Variants in RPRD1A observed in about 807,000 individuals in gnomAD.
RPRD1A encodes regulation of nuclear pre-mRNA domain-containing protein 1A.
Under a neutral mutation model 37.8 loss-of-function variants are expected in RPRD1A, and 9 were observed. The ratio of observed to expected loss-of-function variants is 0.24; its 90% CI spans 0.14 to 0.42. The LOEUF (loss-of-function observed/expected upper bound fraction) is 0.42. RPRD1A is among the 10% of genes least tolerant of loss of function. RPRD1A has a pLI of 1.00. For synonymous variants in RPRD1A, 138 were observed against 139.7 expected, an observed-to-expected ratio of 0.99 and a Z score of 0.08; for missense variants, 255 against 371.0, an observed-to-expected ratio of 0.69 and a Z score of 2.57.
In RPRD1A at chr18:36,022,089, A is replaced by G. The variant is rs955972463; in HGVS notation, c.789+4811T>C. ...TATGTAGGAAGTTTCAGTAGTCTGG[A>G]TAGAAGATCAAACCAGCCACATTCC... is the stretch of plus-strand genomic sequence containing the variant. On this transcript the variant is annotated intron_variant, in intron 6 of 6. Transcript: ENST00000399022. Among the ~76,000 whole-genome samples, 3 of 152,226 alleles carry G rather than the reference A, an allele frequency of 2.0e-5. No homozygotes were observed. The East Asian group carries it at 5.8e-4, about 29-fold the overall frequency.
At position 36,018,864 on chromosome 18, in the gene RPRD1A, C is replaced by T. The variant is rs551093548; in HGVS notation, c.789+8036G>A. On this transcript the variant is annotated intron_variant, in intron 6 of 6. Transcript: ENST00000399022. ...GGGACCAAAAGAAAAGGATGTAGGA[C>T]TCTCTGAAGACTTGACATAGGAATA... Among the ~76,000 whole-genome samples, 419 of 152,190 alleles carry T rather than the reference C, an allele frequency of 2.8e-3. 1 individual carries two copies. Among genetic ancestry groups the T allele is most frequent in the African/African-American group, 9.7e-3 (404 of 41,528 alleles).
chr18:36,051,847 T>C (rs1249080712), intron 1 of RPRD1A, among the ~76,000 whole-genome samples: 1 of 152,068 alleles, frequency 6.6e-6, no homozygotes, highest in Non-Finnish European at 1.5e-5. Context: ...GCCTAAGGGA[T>C]CTGCCAGTTA....
At chr18:36,037,795 T>C (rs1284764758) in intron 1 of RPRD1A, among the ~76,000 whole-genome samples, 4 of 152,138 alleles carry the variant, frequency 2.6e-5, no homozygotes, top group African/African-American at 9.7e-5. Flanking sequence ...GAGGAACCTG[T>C]TGGAAACTGG....
At chr18:36,032,351 T>C (rs1044491596) in intron 2 of RPRD1A, among the ~76,000 whole-genome samples, 17 of 152,200 alleles carry the variant, frequency 1.1e-4, no homozygotes, top group Admixed American at 2.6e-4. Context: ...GGGCAACATA[T>C]ATAGAAGACT....
At chr18:36,028,927 T>C (rs1156627437) in intron 4 of RPRD1A, among the ~76,000 whole-genome samples, 1 of 152,212 alleles carries the variant, frequency 6.6e-6, no homozygotes, top group Admixed American at 6.5e-5. Context: ...TGGTTACCCT[T>C]TCATCAGGGA....
intron 1 of RPRD1A, among the ~76,000 whole-genome samples, chr18:36,065,943 T>A (rs1316381150): frequency 6.6e-6 from 1 of 152,200 alleles, no homozygotes; most frequent in Admixed American, 6.5e-5. Flanking sequence ...ACTGATTACA[T>A]GTGTTTCTAA....
chr18:35,995,765 AAAC>A (rs746620475), intron 6 of RPRD1A, among the ~76,000 whole-genome samples: 1 of 152,216 alleles, frequency 6.6e-6, no homozygotes, highest in Non-Finnish European at 1.5e-5. Context: ...GAAACCTGAC[AAAC>A]AATACCTAAG....
intron 1 of RPRD1A, among the ~76,000 whole-genome samples, chr18:36,046,973 A>G (rs1323331912): frequency 6.6e-6 from 1 of 152,092 alleles, no homozygotes; most frequent in Non-Finnish European, 1.5e-5. Context: ...CCCAACACAA[A>G]GTAGAGATGT....
At chr18:36,002,701 G>C (rs1055199256) in intron 6 of RPRD1A, among the ~76,000 whole-genome samples, 4 of 152,088 alleles carry the variant, frequency 2.6e-5, no homozygotes, top group African/African-American at 9.7e-5. Flanking sequence ...TTCAAAATTT[G>C]TGCCATATGT....
chr18:36,006,507 TCA>T (rs1909757566), intron 6 of RPRD1A, among the ~76,000 whole-genome samples: 1 of 152,180 alleles, frequency 6.6e-6, no homozygotes, highest in Non-Finnish European at 1.5e-5. Flanking sequence ...TAGCAAGGTT[TCA>T]GTTAGGTATA....
At chr18:36,053,872 A>T (rs1339634202) in intron 1 of RPRD1A, among the ~76,000 whole-genome samples, 2 of 152,200 alleles carry the variant, frequency 1.3e-5, no homozygotes, top group African/African-American at 2.4e-5. Flanking sequence ...CAACAAAAAA[A>T]GCTGAAGGTG....
chr18:36,049,989 T>G (rs768947047), intron 1 of RPRD1A, among the ~76,000 whole-genome samples: 1 of 152,154 alleles, frequency 6.6e-6, no homozygotes, highest in Admixed American at 6.6e-5. Flanking sequence ...TATTTTCTGT[T>G]TTTTGATAAT....
At chr18:36,057,360 C>A (rs1486813762) in intron 1 of RPRD1A, among the ~76,000 whole-genome samples, 19 of 152,244 alleles carry the variant, frequency 1.2e-4, no homozygotes, top group Non-Finnish European at 1.6e-4. Context: ...GTAATCCCAG[C>A]ACTTTGGGAG....
intron 6 of RPRD1A, among the ~76,000 whole-genome samples, chr18:35,996,949 G>C (rs998767620): frequency 1.6e-5 from 2 of 123,276 alleles, no homozygotes; most frequent in African/African-American, 3.3e-5. Context: ...CTGTACTCCA[G>C]CCTAGGCAAT....
chr18:36,012,537 T>G (rs551049869), intron 6 of RPRD1A, among the ~76,000 whole-genome samples: 1 of 152,170 alleles, frequency 6.6e-6, no homozygotes, highest in African/African-American at 2.4e-5. Flanking sequence ...CTAGAAGCAA[T>G]AGGCTATACC....
In RPRD1A at chr18:36,040,533, A is replaced by C. The variant is rs182309903; in HGVS notation, c.152-6696T>G. Among the ~76,000 whole-genome samples, 1,078 of 148,716 alleles carry C rather than the reference A, an allele frequency of 7.2e-3. 12 individuals carry two copies. Among genetic ancestry groups the C allele is most frequent in the African/African-American group, 0.027 (1,029 of 38,132 alleles). ...TTTCAGCTTCATTTTATAAACAAAA[A>C]GAGAAGTACTGAAGTTTTAATTTGG... is the stretch of plus-strand genomic sequence containing the variant. On this transcript the variant is annotated intron_variant, in intron 1 of 6. Transcript: ENST00000399022.
chr18:36,035,385 C>A (rs914926770), intron 1 of RPRD1A, among the ~76,000 whole-genome samples: 10 of 152,300 alleles, frequency 6.6e-5, no homozygotes, highest in African/African-American at 2.4e-4. Context: ...TATCTCAATC[C>A]TAACAATATG....
At chr18:36,025,737 T>C (rs1053428705) in intron 6 of RPRD1A, 5 of 833,070 alleles carry the variant, frequency 6.0e-6, no homozygotes, top group South Asian at 1.5e-5. Context: ...AAGACAAAAA[T>C]TGTATGACAT....
At chr18:36,048,052 T>G (rs541432429) in intron 1 of RPRD1A, among the ~76,000 whole-genome samples, 53 of 150,262 alleles carry the variant, frequency 3.5e-4, no homozygotes, top group African/African-American at 1.3e-3. Flanking sequence ...TTAATACAGA[T>G]GTACCCATTC....
Sources: gnomAD v4.1 joint callset for allele counts (sites outside exome capture counted in the v4.1 genomes callset) on GRCh38, gnomAD v4.1.1 for gene constraint, MANE v1.5 for transcripts, NCBI Gene and HGNC (gene_info 2026-07-23, HGNC 2026-07-21) for gene names.